The following CNTNAP2 variants were observed in gnomAD, a reference collection of about 807,000 sequenced individuals.
The protein encoded by CNTNAP2 is contactin associated protein 2.
A neutral mutation model predicts 155.2 loss-of-function variants in CNTNAP2; 98 were observed. The ratio of observed to expected loss-of-function variants is 0.63; its 90% confidence interval spans 0.54 to 0.75. The LOEUF is 0.75. Ranked by LOEUF, CNTNAP2 falls within the 30% of genes least tolerant of loss-of-function variation. CNTNAP2 has a pLI of 0.00. For missense variants in CNTNAP2, 1,727 were observed against 1,688.1 expected, an observed-to-expected ratio of 1.02 and a Z score of -0.40; for synonymous variants, 651 against 631.2, an observed-to-expected ratio of 1.03 and a Z score of -0.47.
chr7:148,197,476 TTA>T (rs1348129129), intron 18 of CNTNAP2, among the ~76,000 whole-genome samples: 3 of 152,194 alleles, frequency 2.0e-5, no homozygotes, highest in Admixed American at 6.5e-5. Context: ...AATAATGCCT[TTA>T]AATCCCGGAA....
At chr7:146,813,097 A>G (rs1302715356) in intron 2 of CNTNAP2, among the ~76,000 whole-genome samples, 2 of 152,208 alleles carry the variant, frequency 1.3e-5, no homozygotes, top group Non-Finnish European at 1.5e-5. Flanking sequence ...GCAGTCATGA[A>G]GAACCACTGC....
intron 12 of CNTNAP2, among the ~76,000 whole-genome samples, chr7:147,569,249 G>T (rs1800235829): frequency 6.6e-6 from 1 of 152,142 alleles, no homozygotes; most frequent in African/African-American, 2.4e-5. Flanking sequence ...ATCGTATTTA[G>T]TATTATGTTT....
chr7:146,699,601 T>C (rs1156744699), intron 1 of CNTNAP2, among the ~76,000 whole-genome samples: 1 of 152,126 alleles, frequency 6.6e-6, no homozygotes, highest in Non-Finnish European at 1.5e-5. Flanking sequence ...TAAGATTAAT[T>C]CAGCTCTGGT....
At chr7:148,349,368 G>A (rs931193464) in intron 21 of CNTNAP2, among the ~76,000 whole-genome samples, 13 of 150,518 alleles carry the variant, frequency 8.6e-5, no homozygotes, top group African/African-American at 2.7e-4. Context: ...TAACACTAAC[G>A]GTAGCTAATG....
intron 21 of CNTNAP2, among the ~76,000 whole-genome samples, chr7:148,299,271 T>C (rs1390913023): frequency 6.6e-6 from 1 of 152,176 alleles, no homozygotes; most frequent in Non-Finnish European, 1.5e-5. Context: ...ATTACAGATG[T>C]GAGCCACCAC....
At chr7:148,109,052 A>T (rs138230665) in intron 15 of CNTNAP2, among the ~76,000 whole-genome samples, 97 of 152,336 alleles carry the variant, frequency 6.4e-4, no homozygotes, top group African/African-American at 2.1e-3. Context: ...CTTACTGTTC[A>T]CACATTGAAG....
At chr7:146,955,400 C>T (rs1250149310) in intron 3 of CNTNAP2, among the ~76,000 whole-genome samples, 1 of 151,914 alleles carries the variant, frequency 6.6e-6, no homozygotes, top group African/African-American at 2.4e-5. Context: ...ACAAGTGTCT[C>T]TTAAAAAGTT....
intron 8 of CNTNAP2, among the ~76,000 whole-genome samples, chr7:147,263,549 G>A (rs999809811): frequency 1.3e-5 from 2 of 152,108 alleles, no homozygotes; most frequent in Non-Finnish European, 2.9e-5. Context: ...GTATTGATTT[G>A]TCATCTCCTT....
chr7:148,378,425 G>C lies in CNTNAP2; in HGVS notation c.3476-5224G>C, dbSNP rs1253198687. On this transcript the variant is annotated intron_variant, in intron 21 of 23. Transcript: ENST00000361727. ...GGCAGAACATCCAGGGACTTAGAGA[G>C]ACGTCAAACTCCTCCACAACAATGT... is the stretch of plus-strand genomic sequence containing the variant. Among the ~76,000 whole-genome samples, 2 of 66,974 alleles carry C rather than the reference G, an allele frequency of 3.0e-5. 1 individual carries two copies. Among genetic ancestry groups the C allele is most frequent in the African/African-American group, 7.3e-5 (2 of 27,324 alleles). 43.9% of individuals were successfully genotyped at this position (66,974 alleles called of 152,430 possible).
At chr7:146,671,898 C>A (rs1330781595) in intron 1 of CNTNAP2, among the ~76,000 whole-genome samples, 1 of 151,872 alleles carries the variant, frequency 6.6e-6, no homozygotes. Flanking sequence ...TCACTGCAAC[C>A]TCCGCCGCCT....
chr7:148,382,212 C>G (rs1799079243), intron 21 of CNTNAP2, among the ~76,000 whole-genome samples: 1 of 152,240 alleles, frequency 6.6e-6, no homozygotes, highest in African/African-American at 2.4e-5. Flanking sequence ...ATGCTCACAG[C>G]CCCACAGGCC....
chr7:148,061,378 G>C (rs62471692), intron 15 of CNTNAP2, among the ~76,000 whole-genome samples: 2 of 151,832 alleles, frequency 1.3e-5, no homozygotes, highest in Admixed American at 6.6e-5. Context: ...TTTTGAGACA[G>C]ACTGTCATTC....
intron 1 of CNTNAP2, among the ~76,000 whole-genome samples, chr7:146,536,534 G>A (rs1441517743): frequency 1.3e-5 from 2 of 151,950 alleles, no homozygotes; most frequent in Non-Finnish European, 2.9e-5. Context: ...GAAGTAAGGA[G>A]GGATGAGAAA....
In CNTNAP2 at chr7:147,241,495, G is replaced by A. The variant is rs1439969526; in HGVS notation, c.1349-58646G>A. Among the ~76,000 whole-genome samples, 5 of 152,120 alleles carry A rather than the reference G, an allele frequency of 3.3e-5. No individual in the cohort carries two copies. In the East Asian group the frequency reaches 9.7e-4, roughly 29 times the overall value. ...ATACAAAAATTACCTGGGCGTGGTTGCATGCGCCTGTAATCCCAGCTACTC... is the reference window on the plus strand; with the variant it reads ...ATACAAAAATTACCTGGGCGTGGTTACATGCGCCTGTAATCCCAGCTACTC... On this transcript the variant is annotated intron_variant, in intron 8 of 23. Transcript: ENST00000361727.
At chr7:146,606,615 A>T (rs578240306) in intron 1 of CNTNAP2, among the ~76,000 whole-genome samples, 1 of 152,328 alleles carries the variant, frequency 6.6e-6, no homozygotes, top group Non-Finnish European at 1.5e-5. Context: ...AATCGATGCT[A>T]TTACTTTGAC....
At chr7:147,289,459 G>A (rs10262107) in intron 8 of CNTNAP2, among the ~76,000 whole-genome samples, 70,780 of 151,416 alleles carry the variant, frequency 0.47, 17,078 homozygotes, top group East Asian at 0.71. Flanking sequence ...AGGAAAGAAA[G>A]ATAAAGGAAA....
chr7:147,117,500 C>A (rs1801013994), intron 5 of CNTNAP2, among the ~76,000 whole-genome samples: 1 of 152,098 alleles, frequency 6.6e-6, no homozygotes, highest in African/African-American at 2.4e-5. Context: ...CATGTGAGAA[C>A]CTGAATATTT....
At chr7:147,377,965 T>G in intron 9 of CNTNAP2, 1 of 460,848 alleles carries the variant, frequency 2.2e-6, no homozygotes, top group Admixed American at 2.5e-5. Flanking sequence ...TGGAAAATTC[T>G]TAGATGTTAC....
chr7:147,377,883 T>C (rs570768598), intron 9 of CNTNAP2: 36 of 386,814 alleles, frequency 9.3e-5, no homozygotes, highest in South Asian at 7.3e-4. Flanking sequence ...CTGTGTTTAG[T>C]GCTAGATTAC....
Sources: allele counts gnomAD v4.1 joint callset (sites outside exome capture counted in the v4.1 genomes callset), GRCh38; gene constraint gnomAD v4.1.1; transcripts MANE v1.5; gene names NCBI Gene and HGNC (gene_info 2026-07-23, HGNC 2026-07-21).